The following KCNQ5 variants were observed in gnomAD, a reference collection of about 807,000 sequenced individuals.
KCNQ5 encodes potassium voltage-gated channel subfamily KQT member 5.
Under a neutral mutation model 98.2 loss-of-function variants are expected in KCNQ5, and 30 were observed. The ratio of observed to expected loss-of-function variants is 0.31; its 90% CI spans 0.23 to 0.41. The LOEUF is 0.41. Among genes scored for constraint, KCNQ5 ranks in the 10% least tolerant of loss-of-function variants. The probability of loss-of-function intolerance (pLI) is 1.00; values close to 1 mark genes in which losing one functional copy is unlikely to be tolerated. For missense variants in KCNQ5, 835 were observed against 1,182.5 expected (o/e 0.71, Z 4.31); for synonymous variants, 458 against 449.4 (o/e 1.02, Z -0.24).
chr6:72,889,564 T>C (rs985278083), intron 1 of KCNQ5, among the ~76,000 whole-genome samples: 2 of 152,168 alleles, frequency 1.3e-5, no homozygotes, highest in African/African-American at 4.8e-5. Context: ...ACTCAGCATC[T>C]ACTATGTGCC....
intron 5 of KCNQ5, among the ~76,000 whole-genome samples, chr6:73,083,411 G>A (rs1227312898): frequency 2.6e-5 from 4 of 151,880 alleles, no homozygotes. Flanking sequence ...CTATGTGGGG[G>A]AAAAATCTTA....
intron 1 of KCNQ5, among the ~76,000 whole-genome samples, chr6:72,961,655 C>T (rs1582094507): frequency 7.0e-6 from 1 of 143,540 alleles, no homozygotes; most frequent in East Asian, 2.0e-4. Context: ...GTTGGGTGGA[C>T]TGGGGAAGGC....
chr6:72,681,439 A>G (rs894582440), intron 1 of KCNQ5, among the ~76,000 whole-genome samples: 3 of 152,212 alleles, frequency 2.0e-5, no homozygotes, highest in African/African-American at 7.2e-5. Flanking sequence ...ATGCCACTGA[A>G]GAATGAAGTG....
At chr6:72,867,575 G>T (rs1008793259) in intron 1 of KCNQ5, among the ~76,000 whole-genome samples, 2 of 152,272 alleles carry the variant, frequency 1.3e-5, no homozygotes, top group Admixed American at 1.3e-4. Context: ...AGGTATAGTT[G>T]AAGGAACTCA....
chr6:72,888,954 G>A (rs1778954265), intron 1 of KCNQ5, among the ~76,000 whole-genome samples: 1 of 152,074 alleles, frequency 6.6e-6, no homozygotes, highest in Admixed American at 6.5e-5. Context: ...ATGTGTCTGT[G>A]TCTCTGTGTG....
intron 11 of KCNQ5, among the ~76,000 whole-genome samples, chr6:73,174,875 C>A (rs1375350410): frequency 6.6e-6 from 1 of 152,110 alleles, no homozygotes; most frequent in Non-Finnish European, 1.5e-5. Context: ...ATATTATTAC[C>A]CTTGAGTTGT....
Position 72,681,809 on chromosome 6 carries a change from C to G in KCNQ5, c.398+59222C>G, listed in dbSNP as rs964054696. On this transcript the variant is annotated intron_variant, in intron 1 of 13. Coordinates refer to ENST00000370398, the MANE Select transcript of KCNQ5 (RefSeq NM_019842.4). ...CCTGTGAACCATTCCCTTTCAATAT[C>G]TTCAGTGCCCCTTTCTGACTTATAG... Among the ~76,000 whole-genome samples, 10 of 152,176 alleles carry G rather than the reference C, an allele frequency of 6.6e-5. No individual in the cohort carries two copies. In the East Asian group the frequency reaches 1.9e-3, roughly 29 times the overall value.
chr6:73,044,761 A>G (rs1477892617), intron 3 of KCNQ5, among the ~76,000 whole-genome samples: 2 of 152,236 alleles, frequency 1.3e-5, no homozygotes, highest in Non-Finnish European at 2.9e-5. Flanking sequence ...AAATGAAAAA[A>G]GAAATAGCAT....
In KCNQ5 at chr6:72,894,727, A is replaced by G. The variant is rs138642728; in HGVS notation, c.399-109181A>G. ...TTATTCATATAAAATTATTCCTTTT[A>G]GAGGCTAAATAAGAAAATTTGCCTT... is the stretch of plus-strand genomic sequence containing the variant. On this transcript the variant is annotated intron_variant, in intron 1 of 13. Coordinates refer to ENST00000370398, the MANE Select transcript of KCNQ5 (RefSeq NM_019842.4). Among the ~76,000 whole-genome samples, 375 of 152,328 alleles carry G rather than the reference A, an allele frequency of 2.5e-3. 2 individuals carry two copies. Among genetic ancestry groups the G allele is most frequent in the Middle Eastern group, 0.014 (4 of 294 alleles).
At chr6:72,974,898 G>A (rs531108267) in intron 1 of KCNQ5, among the ~76,000 whole-genome samples, 4 of 151,932 alleles carry the variant, frequency 2.6e-5, no homozygotes, top group African/African-American at 7.2e-5. Flanking sequence ...CGGCACACCC[G>A]GCTAATTTTT....
Position 72,622,130 on chromosome 6 carries a change from T to C in KCNQ5, c.-60T>C. The C allele has an allele frequency of 8.4e-7, 1 of 1,188,530 alleles. No individual in the cohort carries two copies. 73.6% of individuals were successfully genotyped at this position (1,188,530 alleles called of 1,614,324 possible). Reference sequence around the variant, plus strand: ...CCTCCTTGAAACCCGCCGGCGCACATGAGGCCGCTGCCCCCGCCGCAGGCG... The same window carrying C: ...CCTCCTTGAAACCCGCCGGCGCACACGAGGCCGCTGCCCCCGCCGCAGGCG... On this transcript the variant is annotated 5_prime_UTR_variant, in exon 1 of 14. The change abolishes an upstream ATG in the 5' untranslated region. Transcript: ENST00000370398. The surrounding 1 kb of genome is among the most constrained non-coding windows in gnomAD (Gnocchi z 6.0).
chr6:73,069,235 T>C (rs1441995139), intron 3 of KCNQ5, among the ~76,000 whole-genome samples: 1 of 152,196 alleles, frequency 6.6e-6, no homozygotes, highest in Non-Finnish European at 1.5e-5. Flanking sequence ...GATATTAATC[T>C]TTTGTTCATC....
chr6:72,942,622 G>C (rs1178968417), intron 1 of KCNQ5, among the ~76,000 whole-genome samples: 1 of 152,192 alleles, frequency 6.6e-6, no homozygotes, highest in African/African-American at 2.4e-5. Flanking sequence ...GAATACAGAA[G>C]TGAAGCTTCA....
At chr6:72,681,390 G>A (rs553687907) in intron 1 of KCNQ5, among the ~76,000 whole-genome samples, 1 of 152,230 alleles carries the variant, frequency 6.6e-6, no homozygotes, top group Non-Finnish European at 1.5e-5. Context: ...AACCCTCCTG[G>A]ATAAGTTTTA....
At chr6:72,972,091 G>C (rs140591664) in intron 1 of KCNQ5, among the ~76,000 whole-genome samples, 54 of 152,212 alleles carry the variant, frequency 3.5e-4, no homozygotes, top group African/African-American at 1.1e-3. Flanking sequence ...GGGGTCAAAG[G>C]CTGTATTGCC....
At chr6:72,683,363 C>A (rs1176285658) in intron 1 of KCNQ5, among the ~76,000 whole-genome samples, 1 of 113,268 alleles carries the variant, frequency 8.8e-6, no homozygotes, top group Non-Finnish European at 1.7e-5. Flanking sequence ...GCCACATATA[C>A]TTTTTTTTTT....
chr6:73,150,955 A>T (rs924642379), intron 10 of KCNQ5, among the ~76,000 whole-genome samples: 3 of 152,006 alleles, frequency 2.0e-5, no homozygotes, highest in African/African-American at 7.2e-5. Context: ...TGGCTCTAAA[A>T]GGACAACATG....
intron 1 of KCNQ5, among the ~76,000 whole-genome samples, chr6:72,982,643 T>C (rs2150299786): frequency 6.6e-6 from 1 of 152,294 alleles, no homozygotes; most frequent in East Asian, 1.9e-4. Context: ...CCAGTCTGTG[T>C]CTTTTAATTG....
chr6:72,882,341 G>A (rs557726411), intron 1 of KCNQ5, among the ~76,000 whole-genome samples: 1 of 152,276 alleles, frequency 6.6e-6, no homozygotes, highest in African/African-American at 2.4e-5. Context: ...AGTAGATGTG[G>A]GTGGTTCTAA....
Sources: gnomAD v4.1 joint callset for allele counts (sites outside exome capture counted in the v4.1 genomes callset) on GRCh38, gnomAD v4.1.1 for gene constraint, Gnocchi (gnomAD v3.1) non-coding constraint, MANE v1.5 for transcripts, NCBI Gene and HGNC (gene_info 2026-07-23, HGNC 2026-07-21) for gene names.